Variants in SRPK1 observed in about 807,000 individuals in gnomAD.
The protein encoded by SRPK1 is SRSF protein kinase 1, also known as SFRS protein kinase 1.
In SRPK1, 52 loss-of-function variants were observed where a neutral mutation model predicts 89.5. The ratio of observed to expected loss-of-function variants is 0.58; its 90% CI spans 0.46 to 0.73. The LOEUF (loss-of-function observed/expected upper bound fraction) is 0.73, where lower values mean the gene tolerates loss of function less well. SRPK1 is among the 30% of genes least tolerant of loss of function. SRPK1 has a pLI of 0.00. For missense variants in SRPK1, 603 were observed against 780.6 expected (o/e 0.77, Z 2.71); for synonymous variants, 255 against 270.2 (o/e 0.94, Z 0.55).
chr6:35,869,173 T>C, intron 11 of SRPK1, 63 bp from the exon 12 acceptor site: 2 of 1,354,248 alleles, frequency 1.5e-6, no homozygotes, highest in Non-Finnish European at 2.1e-6. Context: ...CAATGAGTAA[T>C]AAAGCTCTCC....
chr6:35,880,168 TAA>T (rs200976261), intron 6 of SRPK1, among the ~76,000 whole-genome samples: 1 of 132,982 alleles, frequency 7.5e-6, no homozygotes, highest in Non-Finnish European at 1.6e-5. Context: ...TTAATGAGGA[TAA>T]AAAAAAAACT....
At chr6:35,842,833 G>C (rs887370286) in intron 13 of SRPK1, among the ~76,000 whole-genome samples, 14 of 151,696 alleles carry the variant, frequency 9.2e-5, no homozygotes, top group African/African-American at 3.2e-4. Flanking sequence ...ATACTAACAT[G>C]TGGGTTATTT....
At chr6:35,865,876 T>A (rs1364913859) in intron 12 of SRPK1, among the ~76,000 whole-genome samples, 1 of 151,712 alleles carries the variant, frequency 6.6e-6, no homozygotes, top group African/African-American at 2.4e-5. Context: ...CAAATGGGAC[T>A]TAAACAAAAA....
At chr6:35,895,397 C>T (rs867265417) in intron 2 of SRPK1, among the ~76,000 whole-genome samples, 1 of 151,672 alleles carries the variant, frequency 6.6e-6, no homozygotes, top group African/African-American at 2.4e-5. Context: ...AAAGTGCCTA[C>T]AGTTAATGAA....
chr6:35,889,656 T>C (rs573508836), intron 3 of SRPK1, among the ~76,000 whole-genome samples: 21 of 152,106 alleles, frequency 1.4e-4, no homozygotes, highest in African/African-American at 5.1e-4. Flanking sequence ...TCATGGTGCA[T>C]GCCTGTAGTC....
chr6:35,864,337 AC>A (rs1468122422), intron 12 of SRPK1, among the ~76,000 whole-genome samples: 5 of 140,068 alleles, frequency 3.6e-5, no homozygotes, highest in African/African-American at 1.3e-4. Context: ...AGCTCAAGCA[AC>A]TCTATAGGAA....
chr6:35,843,995 C>T (rs1259171450), intron 13 of SRPK1, among the ~76,000 whole-genome samples: 1 of 149,826 alleles, frequency 6.7e-6, no homozygotes, highest in Non-Finnish European at 1.5e-5. Context: ...AAAATTAGTA[C>T]ACAACAGCAG....
intron 13 of SRPK1, among the ~76,000 whole-genome samples, chr6:35,856,768 A>G (rs1015857691): frequency 1.3e-5 from 2 of 152,218 alleles, no homozygotes; most frequent in African/African-American, 2.4e-5. Flanking sequence ...TTTATCATCA[A>G]CTAAATCTGA....
chr6:35,864,006 C>G (rs1387205104), intron 12 of SRPK1, among the ~76,000 whole-genome samples: 1 of 152,092 alleles, frequency 6.6e-6, no homozygotes, highest in Non-Finnish European at 1.5e-5. Context: ...AAATGAAACT[C>G]AATCCCTATC....
rs984485344 is a variant in SRPK1 at position 35,920,977 on chromosome 6, C to G, written c.13+67G>C. On this transcript the variant is annotated intron_variant, in intron 1 of 15. Coordinates refer to ENST00000373825, the MANE Select transcript of SRPK1 (RefSeq NM_003137.5). Reference sequence around the variant, plus strand: ...AACCGCGGCAGTTAAGCGAAGCTCCCGGCGCTGACCCGGGCCTCGCCCCGG... The same window carrying G: ...AACCGCGGCAGTTAAGCGAAGCTCCGGGCGCTGACCCGGGCCTCGCCCCGG... 5 of 1,505,460 alleles carry G rather than the reference C, an allele frequency of 3.3e-6. No homozygotes were observed. In the African/African-American group the frequency reaches 5.8e-5, roughly 17 times the overall value. 93.3% of individuals were successfully genotyped at this position (1,505,460 alleles called of 1,614,324 possible).
chr6:35,916,837 T>A (rs1771113698), intron 2 of SRPK1, among the ~76,000 whole-genome samples: 1 of 152,192 alleles, frequency 6.6e-6, no homozygotes, highest in Non-Finnish European at 1.5e-5. Context: ...GGCAGGTGGA[T>A]CACTCGAGGT....
intron 2 of SRPK1, among the ~76,000 whole-genome samples, chr6:35,909,962 A>C (rs919172252): frequency 3.3e-5 from 5 of 152,030 alleles, no homozygotes; most frequent in Admixed American, 2.0e-4. Flanking sequence ...CAGTGTGAGA[A>C]CAGATTAATA....
rs566171876 is a variant in SRPK1, at chr6:35,856,092, G to A, written c.1620+1169C>T. ...CCAACCACATGATCAGAAGACTGGG[G>A]CTTTCCAACTTCCCAACCTCCAGGG... On this transcript the variant is annotated intron_variant, in intron 13 of 15. Coordinates refer to ENST00000373825, the MANE Select transcript of SRPK1 (RefSeq NM_003137.5). 3.7e-4 allele frequency among the ~76,000 whole-genome samples: 57 copies of A among 152,306 alleles called. 1 individual carries two copies. The highest frequency in any genetic ancestry group is 3.3e-3 in the Admixed American group (50 of 15,294).
chr6:35,852,076 G>A (rs1369971984), intron 13 of SRPK1, among the ~76,000 whole-genome samples: 1 of 152,164 alleles, frequency 6.6e-6, no homozygotes, highest in African/African-American at 2.4e-5. Context: ...CCTCTCAATT[G>A]TGTGCTATTC....
intron 2 of SRPK1, among the ~76,000 whole-genome samples, chr6:35,918,275 C>T (rs1349536217): frequency 7.2e-5 from 11 of 151,992 alleles, no homozygotes; most frequent in Admixed American, 7.2e-4. Flanking sequence ...CTGAGGCAGG[C>T]GGATTACCTG....
At chr6:35,874,137 A>G in intron 7 of SRPK1, 96 bp downstream of exon 7, 1 of 1,116,324 alleles carries the variant, frequency 9.0e-7, no homozygotes, top group African/African-American at 1.6e-5. Flanking sequence ...TTAAAACAAA[A>G]ATTCTATTGG....
chr6:35,866,879 C>T (rs945491981), intron 12 of SRPK1, among the ~76,000 whole-genome samples: 5 of 152,128 alleles, frequency 3.3e-5, no homozygotes. Context: ...ATGGATGGAA[C>T]TGGATGCCAT....
chr6:35,873,204 A>G (rs1372630229), intron 7 of SRPK1, among the ~76,000 whole-genome samples: 1 of 152,238 alleles, frequency 6.6e-6, no homozygotes. Context: ...TAAAATCTAT[A>G]CTGTATATTG....
chr6:35,883,414 A>G (rs1770338321), intron 6 of SRPK1, among the ~76,000 whole-genome samples: 1 of 152,140 alleles, frequency 6.6e-6, no homozygotes, highest in African/African-American at 2.4e-5. Flanking sequence ...TAAAAAAGCA[A>G]TTAAATAAAA....
Sources: gnomAD v4.1 joint callset for allele counts (sites outside exome capture counted in the v4.1 genomes callset) on GRCh38, gnomAD v4.1.1 for gene constraint, MANE v1.5 for transcripts, NCBI Gene and HGNC (gene_info 2026-07-23, HGNC 2026-07-21) for gene names.